Variants in CBLB observed in about 807,000 individuals in gnomAD.
CBLB encodes the protein E3 ubiquitin-protein ligase CBL-B.
In CBLB, 31 loss-of-function variants were observed where a neutral mutation model predicts 104.9. The observed-to-expected ratio is 0.30, with a 90% CI of 0.22 to 0.40. CBLB has a LOEUF of 0.40. Ranked by LOEUF, CBLB falls within the 10% of genes least tolerant of loss-of-function variation. CBLB has a pLI of 1.00. For synonymous variants in CBLB, 440 were observed against 422.6 expected, an observed-to-expected ratio of 1.04 and a Z score of -0.51; for missense variants, 1,062 against 1,214.6, an observed-to-expected ratio of 0.87 and a Z score of 1.87.
chr3:105,844,427 A>G (rs2089980496), intron 3 of CBLB, among the ~76,000 whole-genome samples: 1 of 152,240 alleles, frequency 6.6e-6, no homozygotes, highest in Non-Finnish European at 1.5e-5. Flanking sequence ...TTTCAATAGA[A>G]CATCTAAATT....
At chr3:105,676,601 T>C (rs1293729476) in intron 17 of CBLB, among the ~76,000 whole-genome samples, 1 of 152,100 alleles carries the variant, frequency 6.6e-6, no homozygotes, top group Non-Finnish European at 1.5e-5. Flanking sequence ...GTTCTAAAAA[T>C]CATGTTAAAG....
rs571611207 is a variant in CBLB, at chr3:105,798,288, T to C, written c.420-21746A>G. Among the ~76,000 whole-genome samples, 16 of 152,320 alleles carry C rather than the reference T, an allele frequency of 1.1e-4. No individual in the cohort carries two copies. The East Asian group carries it at 3.1e-3, about 29-fold the overall frequency. ...CTGCCCATTTGAATGTATTACTTAT[T>C]CAAATGTTGAAATAAATTAAAATTT... On this transcript the variant is annotated intron_variant, in intron 3 of 18. Coordinates refer to ENST00000394030, the MANE Select transcript of CBLB (RefSeq NM_170662.5).
At chr3:105,834,249 A>C (rs1422550431) in intron 3 of CBLB, among the ~76,000 whole-genome samples, 1 of 152,216 alleles carries the variant, frequency 6.6e-6, no homozygotes, top group African/African-American at 2.4e-5. Context: ...AAAAGAAAAA[A>C]AGTAAGTATG....
intron 8 of CBLB, 92 bp from the exon 9 acceptor site, chr3:105,734,232 T>G (rs763557215): frequency 8.0e-6 from 10 of 1,253,336 alleles, no homozygotes; most frequent in African/African-American, 1.5e-5. Context: ...TGACGCACAG[T>G]CAATATCTCA....
chr3:105,751,771 A>C (rs2076613259), intron 4 of CBLB, among the ~76,000 whole-genome samples, 153 bp from the exon 5 acceptor site: 1 of 152,224 alleles, frequency 6.6e-6, no homozygotes, highest in African/African-American at 2.4e-5. Context: ...TTTCAGAACA[A>C]ATGTAGTGGG....
At chr3:105,869,019 C>T (rs188689270), upstream of CBLB, 7,051 of 1,093,992 alleles carry the variant, frequency 6.4e-3, 42 homozygotes, top group Middle Eastern at 0.039. Flanking sequence ...GGACACCCCA[C>T]CCCTGTGGCA....
In CBLB at chr3:105,737,255, A is replaced by G; in HGVS notation, c.987T>C (p.Tyr329=). 1 of 1,515,284 alleles carries G rather than the reference A, an allele frequency of 6.6e-7. No homozygotes were observed. The highest frequency in any genetic ancestry group is 9.1e-7 in the Non-Finnish European group (1 of 1,096,552). The allele number at this position is 1,515,284 out of a possible 1,614,324, so 93.9% of individuals were successfully genotyped here. Residue 329 remains tyrosine (Y), a synonymous_variant, in exon 8 of 19, where the codon TAT becomes TAC. Transcript: ENST00000394030. The part of the protein sequence containing the change: ...ALIDGSREGF[Y]LYPDGRSYNP... ...TATAACTCCTCCCATCAGGATAAAGATAACTGAATTTAAACAGAAACTTTA... is the reference window on the plus strand; with the variant it reads ...TATAACTCCTCCCATCAGGATAAAGGTAACTGAATTTAAACAGAAACTTTA...
intron 3 of CBLB, 140 bp from the exon 4 acceptor site, chr3:105,776,682 C>T (rs903208177): frequency 8.1e-6 from 6 of 736,450 alleles, no homozygotes; most frequent in Non-Finnish European, 1.3e-5. Context: ...AAAACCTCAA[C>T]TTAATGCTGC....
At chr3:105,696,029 G>C (rs1031462706) in intron 12 of CBLB, among the ~76,000 whole-genome samples, 1 of 151,158 alleles carries the variant, frequency 6.6e-6, no homozygotes, top group Non-Finnish European at 1.5e-5. Context: ...ATATGTGTGA[G>C]TATATATATG....
At chr3:105,847,918 C>T (rs1033612035) in intron 3 of CBLB, among the ~76,000 whole-genome samples, 4 of 152,050 alleles carry the variant, frequency 2.6e-5, no homozygotes, top group East Asian at 3.8e-4. Context: ...TTTTTACTTG[C>T]GCCACTAAAA....
In CBLB at chr3:105,656,195, C is replaced by T. The variant is rs908965576; in HGVS notation, c.*2775G>A. On this transcript the variant is annotated 3_prime_UTR_variant, in exon 19 of 19. Transcript: ENST00000394030. ...AGGATAAGTCCTTCTATCTCCAGAACATGTTTGGGTTGGGTGAGAAGGGTT... is the reference window on the plus strand; with the variant it reads ...AGGATAAGTCCTTCTATCTCCAGAATATGTTTGGGTTGGGTGAGAAGGGTT... 4.6e-5 allele frequency: 10 copies of T among 218,080 alleles called. No homozygotes were observed. The highest frequency in any genetic ancestry group is 2.2e-4 in the African/African-American group (10 of 44,510). 13.5% of individuals were successfully genotyped at this position (218,080 alleles called of 1,614,324 possible).
intron 11 of CBLB, among the ~76,000 whole-genome samples, chr3:105,702,945 T>G (rs747847516): frequency 1.1e-4 from 17 of 152,210 alleles, no homozygotes; most frequent in Non-Finnish European, 1.6e-4. Context: ...ACAGCAAAAC[T>G]GATATGGGGG....
Position 105,869,006 on chromosome 3 carries a change from G to A in CBLB, c.-285C>T, listed in dbSNP as rs1706692518. ...CACTAGCAGGAGGAGGAGACCGCTC[G>A]CTGGACACCCCACCCCTGTGGCACA... On this transcript the variant is annotated 5_prime_UTR_variant, in exon 1 of 19. Coordinates refer to ENST00000394030, the MANE Select transcript of CBLB (RefSeq NM_170662.5). 9.4e-7 allele frequency: 1 copy of A among 1,058,940 alleles called. No individual in the cohort carries two copies. Among genetic ancestry groups the A allele is most frequent in the Non-Finnish European group, 1.1e-6 (1 of 875,578 alleles). The allele number at this position is 1,058,940 out of a possible 1,614,324, so 65.6% of individuals were successfully genotyped here.
At chr3:105,724,322 T>C (rs1204278847) in intron 9 of CBLB, 1 of 155,192 alleles carries the variant, frequency 6.4e-6, no homozygotes, top group African/African-American at 2.4e-5. Context: ...GAATCTAGAC[T>C]CTTTTAGTTT....
chr3:105,690,702 G>T (rs2152749976), intron 13 of CBLB, among the ~76,000 whole-genome samples: 1 of 151,862 alleles, frequency 6.6e-6, no homozygotes, highest in Non-Finnish European at 1.5e-5. Context: ...GACGACTATA[G>T]TCCCAGCTAC....
intron 3 of CBLB, among the ~76,000 whole-genome samples, chr3:105,799,701 T>C (rs1264741643): frequency 2.6e-5 from 4 of 152,172 alleles, no homozygotes; most frequent in African/African-American, 9.7e-5. Flanking sequence ...ATGACCCATG[T>C]TATAAACACA....
chr3:105,707,519 G>A (rs9865653), intron 10 of CBLB, among the ~76,000 whole-genome samples: 1,736 of 152,156 alleles, frequency 0.011, 29 homozygotes, highest in African/African-American at 0.04. Flanking sequence ...ATTATTCTTT[G>A]CTGAACCTTT....
intron 2 of CBLB, among the ~76,000 whole-genome samples, chr3:105,861,696 CACACACACACATACAT>C (rs948719891): frequency 7.9e-5 from 12 of 150,982 alleles, no homozygotes; most frequent in African/African-American, 2.9e-4. Flanking sequence ...CACACACACA[CACACACACACATACAT>C]ACACACACAC....
At chr3:105,793,584 T>C (rs1205338205) in intron 3 of CBLB, among the ~76,000 whole-genome samples, 1 of 151,694 alleles carries the variant, frequency 6.6e-6, no homozygotes, top group Non-Finnish European at 1.5e-5. Context: ...TTACCTGTCA[T>C]TAATATTTTC....
Sources: allele counts gnomAD v4.1 joint callset (sites outside exome capture counted in the v4.1 genomes callset), GRCh38; gene constraint gnomAD v4.1.1; transcripts MANE v1.5; gene names NCBI Gene and HGNC (gene_info 2026-07-23, HGNC 2026-07-21).